Variants in KCNIP4 observed in about 807,000 individuals in gnomAD.
KCNIP4 encodes the protein Kv channel-interacting protein 4.
In KCNIP4, 12 loss-of-function variants were observed where a neutral mutation model predicts 34.0. That is an observed-to-expected ratio of 0.35 (90% CI 0.23 to 0.57). KCNIP4 has a LOEUF of 0.57. KCNIP4 is among the 20% of genes least tolerant of loss of function. The probability of loss-of-function intolerance (pLI) is 0.83; values close to 1 mark genes in which losing one functional copy is unlikely to be tolerated. For synonymous variants in KCNIP4, 124 were observed against 102.2 expected, an observed-to-expected ratio of 1.21 and a Z score of -1.29; for missense variants, 238 against 311.7, an observed-to-expected ratio of 0.76 and a Z score of 1.78.
intron 1 of KCNIP4, among the ~76,000 whole-genome samples, chr4:21,127,179 T>TTC (rs1560746702): frequency 6.6e-6 from 1 of 152,200 alleles, no homozygotes; most frequent in African/African-American, 2.4e-5. Flanking sequence ...CTCTTGGCTG[T>TTC]CCTAAGAGCC....
chr4:21,125,373 T>C (rs1023236740), intron 1 of KCNIP4, among the ~76,000 whole-genome samples: 5 of 151,704 alleles, frequency 3.3e-5, no homozygotes, highest in Non-Finnish European at 7.4e-5. Context: ...CCCGCCACCA[T>C]GCCCAGTTAA....
chr4:21,252,756 CTTTTTTTT>C (rs5856614), intron 1 of KCNIP4, among the ~76,000 whole-genome samples: 6 of 132,278 alleles, frequency 4.5e-5, no homozygotes, highest in African/African-American at 1.1e-4. Context: ...GGCAAATCCT[CTTTTTTTT>C]TTTTTTTTTT....
intron 1 of KCNIP4, among the ~76,000 whole-genome samples, chr4:21,206,783 T>C (rs1022376015): frequency 1.3e-5 from 2 of 152,216 alleles, no homozygotes; most frequent in Admixed American, 6.5e-5. Flanking sequence ...AAAAGAAAAC[T>C]GATCTTTAGA....
At chr4:21,862,089 C>G (rs747788603) in intron 1 of KCNIP4, among the ~76,000 whole-genome samples, 2 of 152,138 alleles carry the variant, frequency 1.3e-5, no homozygotes, top group South Asian at 4.1e-4. Context: ...GTAGCCTGGA[C>G]CATACTCTCA....
intron 3 of KCNIP4, among the ~76,000 whole-genome samples, chr4:20,782,304 C>T (rs1375888701): frequency 6.6e-6 from 1 of 152,104 alleles, no homozygotes; most frequent in Non-Finnish European, 1.5e-5. Flanking sequence ...GATGGTGGCC[C>T]TCTTCTCACA....
chr4:21,879,638 A>G (rs1454340829), intron 1 of KCNIP4, among the ~76,000 whole-genome samples: 1 of 152,232 alleles, frequency 6.6e-6, no homozygotes, highest in Admixed American at 6.5e-5. Context: ...GGAACTCATC[A>G]ATAACCCACC....
At chr4:21,863,105 C>T (rs1725191591) in intron 1 of KCNIP4, among the ~76,000 whole-genome samples, 1 of 152,152 alleles carries the variant, frequency 6.6e-6, no homozygotes. Context: ...GTTCATACTA[C>T]TATTTTTGCT....
chr4:21,875,044 G>A (rs1242405100), intron 1 of KCNIP4, among the ~76,000 whole-genome samples: 1 of 152,154 alleles, frequency 6.6e-6, no homozygotes, highest in African/African-American at 2.4e-5. Context: ...AGACAACTGT[G>A]ACAGACATTT....
chr4:20,924,846 C>T (rs1203171715), intron 1 of KCNIP4, among the ~76,000 whole-genome samples: 1 of 152,138 alleles, frequency 6.6e-6, no homozygotes, highest in Non-Finnish European at 1.5e-5. Flanking sequence ...TTTCTAGTAG[C>T]TCATAGTTCA....
chr4:21,682,946 C>T (rs377092612), intron 1 of KCNIP4, among the ~76,000 whole-genome samples: 21 of 152,178 alleles, frequency 1.4e-4, no homozygotes, highest in Middle Eastern at 3.4e-3. Flanking sequence ...AATATTGCAA[C>T]GATCATAATG....
At chr4:21,265,346 C>T (rs566323172) in intron 1 of KCNIP4, among the ~76,000 whole-genome samples, 11 of 152,038 alleles carry the variant, frequency 7.2e-5, no homozygotes, top group Admixed American at 1.3e-4. Context: ...ACATTAAGGG[C>T]CTTGGGAAGC....
chr4:21,112,067 A>ATCTATCTG (rs1749260029), intron 1 of KCNIP4, among the ~76,000 whole-genome samples: 1 of 151,406 alleles, frequency 6.6e-6, no homozygotes, highest in South Asian at 2.1e-4. Context: ...CTATCTATCT[A>ATCTATCTG]TCTATCATCT....
At chr4:20,752,149 C>T (rs1417341484) in intron 4 of KCNIP4, among the ~76,000 whole-genome samples, 3 of 150,818 alleles carry the variant, frequency 2.0e-5, no homozygotes, top group African/African-American at 2.4e-5. Context: ...GCCTCCACCT[C>T]CTGGGTTCAA....
intron 1 of KCNIP4, among the ~76,000 whole-genome samples, chr4:20,948,614 C>T (rs1234659349): frequency 2.0e-5 from 3 of 152,174 alleles, no homozygotes; most frequent in African/African-American, 4.8e-5. Context: ...TTAAGCACAC[C>T]GTTCAGGACG....
intron 1 of KCNIP4, among the ~76,000 whole-genome samples, chr4:21,326,697 GT>G (rs57895140): frequency 1.3e-5 from 2 of 150,528 alleles, no homozygotes; most frequent in South Asian, 4.2e-4. Context: ...TTTTCTGGTT[GT>G]TTTTTCGGTT....
intron 1 of KCNIP4, among the ~76,000 whole-genome samples, chr4:21,737,400 A>T (rs558890266): frequency 2.6e-5 from 4 of 152,266 alleles, no homozygotes; most frequent in African/African-American, 7.2e-5. Flanking sequence ...CATGAAGTGG[A>T]CATTCAATGA....
At chr4:21,194,079 AAAG>A (rs1486442026) in intron 1 of KCNIP4, among the ~76,000 whole-genome samples, 3 of 152,176 alleles carry the variant, frequency 2.0e-5, no homozygotes, top group Non-Finnish European at 4.4e-5. Context: ...GAATGGCACT[AAAG>A]ACACTTTTAC....
intron 1 of KCNIP4, among the ~76,000 whole-genome samples, chr4:21,496,570 C>G (rs1363181291): frequency 6.6e-6 from 1 of 152,224 alleles, no homozygotes; most frequent in Non-Finnish European, 1.5e-5. Context: ...AAGCTCAATC[C>G]ACTTCAATCG....
chr4:21,682,800 A>C (rs1400659902), intron 1 of KCNIP4, among the ~76,000 whole-genome samples: 1 of 152,210 alleles, frequency 6.6e-6, no homozygotes, highest in Non-Finnish European at 1.5e-5. Flanking sequence ...TGGTCAGTGT[A>C]GCAGTCAGAA....
Sources: allele counts gnomAD v4.1 joint callset (sites outside exome capture counted in the v4.1 genomes callset), GRCh38; gene constraint gnomAD v4.1.1; transcripts MANE v1.5; gene names NCBI Gene and HGNC (gene_info 2026-07-23, HGNC 2026-07-21).